Variants in ABCA3 observed in about 807,000 individuals in gnomAD.
ABCA3 encodes the protein phospholipid-transporting ATPase ABCA3.
ABCA3 carries 88 observed loss-of-function variants against 172.8 expected under a neutral mutation model. The ratio of observed to expected loss-of-function variants is 0.51; its 90% CI spans 0.43 to 0.61. ABCA3 has a LOEUF of 0.61. Among genes scored for constraint, ABCA3 ranks in the 20% least tolerant of loss-of-function variants. The pLI, the probability that ABCA3 is intolerant of heterozygous loss-of-function variation, is 0.00. For synonymous variants in ABCA3, 1,066 were observed against 983.8 expected (o/e 1.08, Z -1.56); for missense variants, 2,164 against 2,301.0 (o/e 0.94, Z 1.22).
intron 1 of ABCA3, among the ~76,000 whole-genome samples, chr16:2,334,032 A>C (rs1371279442): frequency 6.6e-6 from 1 of 152,192 alleles, no homozygotes; most frequent in East Asian, 1.9e-4. Context: ...CAGTCCCTGA[A>C]CACTTGCATG....
intron 11 of ABCA3, among the ~76,000 whole-genome samples, chr16:2,304,408 G>A (rs2141715885): frequency 6.6e-6 from 1 of 151,574 alleles, no homozygotes; most frequent in East Asian, 1.9e-4. Context: ...TTTAATCTGT[G>A]ACATATATGC....
chr16:2,287,026 G>A lies in ABCA3; in HGVS notation c.3005-59C>T. On this transcript the variant is annotated intron_variant, in intron 21 of 32. Coordinates refer to ENST00000301732, the MANE Select transcript of ABCA3 (RefSeq NM_001089.3). This position sits in a 1 kb window ranked among gnomAD's most constrained non-coding sequence, Gnocchi z 4.1. The stretch of plus-strand genomic sequence containing the variant: ...AAGAGGTGACACCTGGGCACCCCCT[G>A]CCACCTGAGCATGGCTAATCAGGGA... 6.4e-7 allele frequency: 1 copy of A among 1,570,410 alleles called. No homozygotes were observed. Among genetic ancestry groups the A allele is most frequent in the African/African-American group, 1.4e-5 (1 of 74,070 alleles).
Position 2,285,665 on chromosome 16 carries a change from G to C in ABCA3, c.3279-19C>G. ...CCGGCCCCTGCGGGGGACAGAGAAG[G>C]TCAGGGACGGAGCACAGCACGTCTG... On this transcript the variant is annotated intron_variant, in intron 22 of 32. Transcript: ENST00000301732. This position sits in a 1 kb window ranked among gnomAD's most constrained non-coding sequence, Gnocchi z 4.7. 6.4e-7 allele frequency: 1 copy of C among 1,551,116 alleles called. No homozygotes were observed. Among genetic ancestry groups the C allele is most frequent in the Non-Finnish European group, 8.7e-7 (1 of 1,146,852 alleles).
Position 2,278,284 on chromosome 16 carries a change from C to T in ABCA3, c.4718+4G>A. 1 of 1,607,278 alleles carries T rather than the reference C, an allele frequency of 6.2e-7. No homozygotes were observed. Among genetic ancestry groups the T allele is most frequent in the Non-Finnish European group, 8.5e-7 (1 of 1,179,986 alleles). ...TTCCAGTAACCCACAGACCCAGGCT[C>T]TACCTGTGGGAGGTGATGATGATGG... On this transcript the variant is annotated splice_donor_region_variant and intron_variant, in intron 30 of 32. Transcript: ENST00000301732. This position sits in a 1 kb window ranked among gnomAD's most constrained non-coding sequence, Gnocchi z 4.4.
chr16:2,309,867 G>A (rs945531625), intron 10 of ABCA3, among the ~76,000 whole-genome samples: 2 of 152,030 alleles, frequency 1.3e-5, no homozygotes, highest in African/African-American at 2.4e-5. Flanking sequence ...GGATCCTCCC[G>A]CCCTGGCCTC....
intron 14 of ABCA3, among the ~76,000 whole-genome samples, 192 bp from the exon 15 acceptor site, chr16:2,298,732 C>T (rs1358445863): frequency 1.1e-4 from 17 of 152,148 alleles, no homozygotes; most frequent in Admixed American, 1.1e-3. Context: ...GGCATGGAAA[C>T]AGCCCTGCCA....
intron 20 of ABCA3, among the ~76,000 whole-genome samples, chr16:2,288,654 C>G (rs1328653918): frequency 2.6e-5 from 4 of 152,190 alleles, no homozygotes; most frequent in Admixed American, 2.0e-4. Flanking sequence ...CTCCTGGGTT[C>G]CTACCTCAGC....
At position 2,281,735 on chromosome 16, in the gene ABCA3, A is replaced by T. The variant is rs2093655536; in HGVS notation, c.4036-226T>A. ...CAGGAGACATAAACTATCTGAGGAA[A>T]AAGAACTGTGCGGGACTCATGGAGA... On this transcript the variant is annotated intron_variant, in intron 26 of 32. Coordinates refer to ENST00000301732, the MANE Select transcript of ABCA3 (RefSeq NM_001089.3). The surrounding 1 kb of genome is among the most constrained non-coding windows in gnomAD (Gnocchi z 4.7). Among the ~76,000 whole-genome samples, 1 of 152,222 alleles carries T rather than the reference A, an allele frequency of 6.6e-6. No individual in the cohort carries two copies. Among genetic ancestry groups the T allele is most frequent in the African/African-American group, 2.4e-5 (1 of 41,454 alleles).
chr16:2,332,966 C>T (rs1328438111), intron 1 of ABCA3, among the ~76,000 whole-genome samples: 1 of 152,178 alleles, frequency 6.6e-6, no homozygotes, highest in Non-Finnish European at 1.5e-5. Flanking sequence ...GCCACCATAC[C>T]TGGCTACTTA....
intron 7 of ABCA3, among the ~76,000 whole-genome samples, chr16:2,322,362 C>G (rs1414759219): frequency 6.6e-6 from 1 of 151,770 alleles, no homozygotes; most frequent in Non-Finnish European, 1.5e-5. Context: ...GTAAATGTTC[C>G]TGAAAAGTAT....
chr16:2,279,097 C>T lies in ABCA3; in HGVS notation c.4393G>A (p.Asp1465Asn), dbSNP rs201955122. The T allele has an allele frequency of 5.8e-5, 93 of 1,612,454 alleles. No homozygotes were observed. The East Asian group carries it at 8.2e-4, about 14-fold the overall frequency. The change falls in exon 29 of 33, where the codon GAT becomes AAT. Residue 1465 changes from aspartate (D) to asparagine (N), a missense_variant. This residue lies in a region of ABCA3 where 795 missense variants were observed against 881.9 expected (regional missense o/e 0.90). Transcript: ENST00000301732. The surrounding 1 kb of genome is among the most constrained non-coding windows in gnomAD (Gnocchi z 4.4). Reference sequence around the variant, plus strand: ...CCTGTCATGTGGTCCAGCAAGGCATCAAACTGCGGGCAGTAGCCGATCCGC... The same window carrying T: ...CCTGTCATGTGGTCCAGCAAGGCATTAAACTGCGGGCAGTAGCCGATCCGC... ...RQRIGYCPQF[D>N]ALLDHMTGRE...
At chr16:2,340,330 T>G (rs1331295341) in intron 1 of ABCA3, among the ~76,000 whole-genome samples, 1 of 151,700 alleles carries the variant, frequency 6.6e-6, no homozygotes, top group Non-Finnish European at 1.5e-5. Flanking sequence ...AAGGCTCGGA[T>G]GGGAGCCGAC....
Position 2,328,700 on chromosome 16 carries a change from C to G in ABCA3, c.-274G>C. The G allele has an allele frequency of 2.7e-6, 1 of 365,326 alleles. No individual in the cohort carries two copies. Among genetic ancestry groups the G allele is most frequent in the Non-Finnish European group, 5.5e-6 (1 of 180,282 alleles). 22.6% of individuals were successfully genotyped at this position (365,326 alleles called of 1,614,324 possible). On this transcript the variant is annotated 5_prime_UTR_variant, in exon 3 of 33. Transcript: ENST00000301732. ...TCAGCGTCCTTCATGTGCGGAAAAG[C>G]CTCCTTGACTCACAGTGGAAGAGTT...
intron 11 of ABCA3, among the ~76,000 whole-genome samples, chr16:2,307,035 A>AAAAG (rs2093699004): frequency 6.8e-6 from 1 of 147,876 alleles, no homozygotes; most frequent in African/African-American, 2.4e-5. Flanking sequence ...AAAAAAAAAA[A>AAAAG]AAAAGAAAAG....
chr16:2,293,539 GTT>G (rs1171254786), intron 18 of ABCA3, among the ~76,000 whole-genome samples: 6 of 130,888 alleles, frequency 4.6e-5, no homozygotes, highest in African/African-American at 5.6e-5. Flanking sequence ...ACGTGGCTAA[GTT>G]TTTTTTTTTT....
chr16:2,323,026 T>C (rs1259042847), intron 7 of ABCA3, among the ~76,000 whole-genome samples: 2 of 152,194 alleles, frequency 1.3e-5, no homozygotes, highest in Admixed American at 6.5e-5. Context: ...AAAGAAGACA[T>C]TTATGCAGCC....
intron 18 of ABCA3, among the ~76,000 whole-genome samples, chr16:2,294,082 T>TGC (rs2093676189): frequency 6.7e-6 from 1 of 150,264 alleles, no homozygotes; most frequent in African/African-American, 2.4e-5. Flanking sequence ...TGCAGGGGTG[T>TGC]GATTTCGGCT....
Position 2,301,087 on chromosome 16 carries a change from C to T in ABCA3, c.1468-939G>A, listed in dbSNP as rs541077402. Among the ~76,000 whole-genome samples the T allele has an allele frequency of 6.0e-3, 913 of 151,310 alleles. 5 individuals carry two copies. The highest frequency in any genetic ancestry group is 8.7e-3 in the Non-Finnish European group (589 of 67,894). On this transcript the variant is annotated intron_variant, in intron 12 of 32. Coordinates refer to ENST00000301732, the MANE Select transcript of ABCA3 (RefSeq NM_001089.3). ...CTACTAAAAATACAAAAAAATTAGC[C>T]GGGCGTGGTGGTGGGCGCCTATAGT...
rs1410822377 is a variant in ABCA3, at chr16:2,294,890, G to A, written c.2414+700C>T. Among the ~76,000 whole-genome samples, 8 of 152,296 alleles carry A rather than the reference G, an allele frequency of 5.3e-5. 1 individual carries two copies. The East Asian group carries it at 1.5e-3, about 29-fold the overall frequency. On this transcript the variant is annotated intron_variant, in intron 18 of 32. Coordinates refer to ENST00000301732, the MANE Select transcript of ABCA3 (RefSeq NM_001089.3). ...CCCAGCTACTTGGGAGGCTGAGGCA[G>A]GAGAATTGCTTGAACCTGGGAGGCA...
Sources: allele counts gnomAD v4.1 joint callset (sites outside exome capture counted in the v4.1 genomes callset), GRCh38; gene constraint gnomAD v4.1.1; regional missense constraint gnomAD v4.1.1; non-coding constraint Gnocchi (gnomAD v3.1); transcripts MANE v1.5; gene names NCBI Gene and HGNC (gene_info 2026-07-23, HGNC 2026-07-21).